The following TTC28 variants were observed in gnomAD, a reference collection of about 807,000 sequenced individuals.
TTC28 encodes tetratricopeptide repeat domain 28.
TTC28 carries 61 observed loss-of-function variants against 198.0 expected under a neutral mutation model. The ratio of observed to expected loss-of-function variants is 0.31; its 90% confidence interval spans 0.25 to 0.38. The LOEUF (loss-of-function observed/expected upper bound fraction) is 0.38, where lower values mean the gene tolerates loss of function less well. TTC28 is among the 10% of genes least tolerant of loss of function. TTC28 has a pLI of 1.00. For synonymous variants in TTC28, 1,171 were observed against 1,297.8 expected (o/e 0.90, Z 2.10); for missense variants, 2,678 against 3,164.0 (o/e 0.85, Z 3.69).
intron 12 of TTC28, among the ~76,000 whole-genome samples, chr22:28,069,019 G>C (rs185337300): frequency 6.6e-5 from 10 of 152,194 alleles, no homozygotes; most frequent in Admixed American, 2.0e-4. Flanking sequence ...AGTGGGACTG[G>C]GGAATACCCA....
intron 12 of TTC28, among the ~76,000 whole-genome samples, chr22:28,044,183 T>C (rs555657241): frequency 4.6e-5 from 7 of 152,368 alleles, no homozygotes; most frequent in Non-Finnish European, 7.3e-5. Context: ...AGGCTAGATT[T>C]AATTCCTTTC....
chr22:28,502,850 ATATC>A (rs2048555816), intron 2 of TTC28, among the ~76,000 whole-genome samples: 2 of 152,132 alleles, frequency 1.3e-5, no homozygotes, highest in Non-Finnish European at 1.5e-5. Flanking sequence ...TTTGGGCTAT[ATATC>A]TTATTAATAA....
chr22:28,005,592 G>A lies in TTC28; in HGVS notation c.4219-4039C>T, dbSNP rs923337450. On this transcript the variant is annotated intron_variant, in intron 14 of 22. Transcript: ENST00000397906. The surrounding 1 kb of genome is among the most constrained non-coding windows in gnomAD (Gnocchi z 4.9). ...CCTCCTGCTGGCCTGGGTCAGTGGTGGGTGAGGACATCCAGAGGGGCCTGC... is the reference window on the plus strand; with the variant it reads ...CCTCCTGCTGGCCTGGGTCAGTGGTAGGTGAGGACATCCAGAGGGGCCTGC... Among the ~76,000 whole-genome samples, 3 of 152,200 alleles carry A rather than the reference G, an allele frequency of 2.0e-5. No homozygotes were observed. The highest frequency in any genetic ancestry group is 4.8e-5 in the African/African-American group (2 of 41,456).
At chr22:28,651,351 G>C (rs368448412) in intron 1 of TTC28, among the ~76,000 whole-genome samples, 23 of 148,356 alleles carry the variant, frequency 1.6e-4, no homozygotes, top group African/African-American at 4.8e-4. Context: ...GCCCAAGCTG[G>C]AGTGCAGTGG....
chr22:28,593,841 T>TA (rs1335194156), intron 2 of TTC28, among the ~76,000 whole-genome samples: 3 of 152,186 alleles, frequency 2.0e-5, no homozygotes, highest in Non-Finnish European at 4.4e-5. Context: ...GGCCATTTAC[T>TA]AGTTCTACGA....
At chr22:28,339,061 G>T (rs1846316090) in intron 2 of TTC28, among the ~76,000 whole-genome samples, 2 of 152,094 alleles carry the variant, frequency 1.3e-5, no homozygotes, top group Admixed American at 6.5e-5. Context: ...TGGTGTGGAT[G>T]TCCTTTCTGT....
intron 5 of TTC28, among the ~76,000 whole-genome samples, chr22:28,295,725 T>G (rs1214820906): frequency 6.6e-6 from 1 of 152,220 alleles, no homozygotes; most frequent in Non-Finnish European, 1.5e-5. Context: ...AATAAGACTA[T>G]GATGATATTT....
intron 1 of TTC28, among the ~76,000 whole-genome samples, chr22:28,654,794 C>G (rs2146268529): frequency 6.6e-6 from 1 of 152,302 alleles, no homozygotes; most frequent in East Asian, 1.9e-4. Flanking sequence ...TGTTTCCTTT[C>G]TAAGCTAAAT....
intron 14 of TTC28, among the ~76,000 whole-genome samples, chr22:28,004,428 G>A (rs1404840832): frequency 1.3e-5 from 2 of 152,188 alleles, no homozygotes; most frequent in Non-Finnish European, 2.9e-5. Context: ...CAGTGAGAGT[G>A]ACCTTAGCAG....
At chr22:28,642,605 C>A (rs930906960) in intron 1 of TTC28, among the ~76,000 whole-genome samples, 5 of 152,088 alleles carry the variant, frequency 3.3e-5, no homozygotes, top group African/African-American at 1.2e-4. Context: ...GATGGCTAAT[C>A]AAAAGAAAGT....
chr22:28,179,418 C>A (rs1045102358), intron 5 of TTC28, among the ~76,000 whole-genome samples: 1 of 152,110 alleles, frequency 6.6e-6, no homozygotes, highest in Non-Finnish European at 1.5e-5. Context: ...CCTCGGCCTC[C>A]CAAAGTGTTG....
At chr22:28,304,537 T>A (rs570523940) in intron 3 of TTC28, among the ~76,000 whole-genome samples, 34 of 152,284 alleles carry the variant, frequency 2.2e-4, no homozygotes, top group Admixed American at 1.8e-3. Context: ...CAGGAACCAG[T>A]AAGAAGCTGC....
intron 5 of TTC28, among the ~76,000 whole-genome samples, chr22:28,281,275 CT>C (rs1416114318): frequency 6.6e-6 from 1 of 151,998 alleles, no homozygotes; most frequent in Non-Finnish European, 1.5e-5. Context: ...CACTGAGGCT[CT>C]TTTTATTCTT....
intron 2 of TTC28, among the ~76,000 whole-genome samples, chr22:28,374,633 A>C (rs957559102): frequency 6.6e-6 from 1 of 152,194 alleles, no homozygotes; most frequent in African/African-American, 2.4e-5. Flanking sequence ...TGGAAAATAG[A>C]GACAAAGATT....
At chr22:27,986,652 T>G (rs1937226294) in intron 21 of TTC28, among the ~76,000 whole-genome samples, 1 of 152,210 alleles carries the variant, frequency 6.6e-6, no homozygotes, top group African/African-American at 2.4e-5. Context: ...ACGATGTTAC[T>G]GTCAGCATGC....
chr22:27,994,897 G>A (rs1937524774), intron 17 of TTC28, among the ~76,000 whole-genome samples: 1 of 151,348 alleles, frequency 6.6e-6, no homozygotes, highest in South Asian at 2.1e-4. Context: ...AGAACTGAAA[G>A]GCTCCAGACA....
intron 6 of TTC28, among the ~76,000 whole-genome samples, chr22:28,160,629 T>C (rs925999466): frequency 1.3e-5 from 2 of 152,200 alleles, no homozygotes; most frequent in Non-Finnish European, 2.9e-5. Context: ...TGTATATATA[T>C]ACATATATGA....
At chr22:28,389,095 A>G (rs2046668731) in intron 2 of TTC28, among the ~76,000 whole-genome samples, 1 of 152,164 alleles carries the variant, frequency 6.6e-6, no homozygotes, top group Non-Finnish European at 1.5e-5. Context: ...ATCTATTGAG[A>G]TAATCATGTG....
chr22:28,171,353 A>G (rs1472160281), intron 5 of TTC28, among the ~76,000 whole-genome samples: 1 of 152,182 alleles, frequency 6.6e-6, no homozygotes, highest in African/African-American at 2.4e-5. Flanking sequence ...TCCTGCCAGA[A>G]CAAAGGGTGT....
Sources: allele counts gnomAD v4.1 joint callset (sites outside exome capture counted in the v4.1 genomes callset), GRCh38; gene constraint gnomAD v4.1.1; non-coding constraint Gnocchi (gnomAD v3.1); transcripts MANE v1.5; gene names NCBI Gene and HGNC (gene_info 2026-07-23, HGNC 2026-07-21).